The following CROCC2 variants were observed in gnomAD, a reference collection of about 807,000 sequenced individuals.
CROCC2 encodes the protein ciliary rootlet coiled-coil, rootletin family member 2.
A neutral mutation model predicts 177.6 loss-of-function variants in CROCC2; 163 were observed. The observed-to-expected ratio is 0.92, with a 90% confidence interval of 0.81 to 1.05. CROCC2 has a LOEUF of 1.05. Among genes scored for constraint, CROCC2 ranks in the 50% least tolerant of loss-of-function variants. The probability of loss-of-function intolerance (pLI) is 0.00; values close to 1 mark genes in which losing one functional copy is unlikely to be tolerated. For synonymous variants in CROCC2, 904 were observed against 787.3 expected (o/e 1.15, Z -2.48); for missense variants, 1,929 against 1,797.8 (o/e 1.07, Z -1.32).
At chr2:240,929,575 C>CT in intron 5 of CROCC2, 1 of 434,596 alleles carries the variant, frequency 2.3e-6, no homozygotes. Context: ...TCGGTTGTGG[C>CT]TTCCCACCCT....
Position 240,953,552 on chromosome 2 carries a change from G to A in CROCC2, c.2830-2307G>A, listed in dbSNP as rs1451336877. Among the ~76,000 whole-genome samples the A allele has an allele frequency of 1.3e-5, 2 of 152,144 alleles. No homozygotes were observed. The highest frequency in any genetic ancestry group is 2.9e-5 in the Non-Finnish European group (2 of 68,036). On this transcript the variant is annotated intron_variant, in intron 18 of 31. Transcript: ENST00000690015. The surrounding 1 kb of genome is among the most constrained non-coding windows in gnomAD (Gnocchi z 4.0). ...GCACAGCACAGACGGGCTGGCCTGTGGGGAGCCCTTGCCGGTGCAGCAAGT... is the reference window on the plus strand; with the variant it reads ...GCACAGCACAGACGGGCTGGCCTGTAGGGAGCCCTTGCCGGTGCAGCAAGT...
chr2:240,958,228 C>G lies in CROCC2; in HGVS notation c.2944-1073C>G. ...GTCACCACTGCCATCGGGCTCCCAGCCGATGCCCTGTCCCTGAGGCCCTCA... is the reference window on the plus strand; with the variant it reads ...GTCACCACTGCCATCGGGCTCCCAGGCGATGCCCTGTCCCTGAGGCCCTCA... On this transcript the variant is annotated intron_variant, in intron 19 of 31. Coordinates refer to ENST00000690015, the MANE Select transcript of CROCC2 (RefSeq NM_001351305.2). This position sits in a 1 kb window ranked among gnomAD's most constrained non-coding sequence, Gnocchi z 6.7. The G allele has an allele frequency of 1.0e-6, 1 of 978,970 alleles. No individual in the cohort carries two copies. Among genetic ancestry groups the G allele is most frequent in the East Asian group, 1.1e-4 (1 of 8,766 alleles). 60.6% of individuals were successfully genotyped at this position (978,970 alleles called of 1,614,324 possible).
chr2:240,926,176 G>A (rs1051585618), intron 5 of CROCC2, among the ~76,000 whole-genome samples: 2 of 152,216 alleles, frequency 1.3e-5, no homozygotes, highest in African/African-American at 2.4e-5. Context: ...TCTTTGGAGA[G>A]GCAGGTTGTT....
intron 5 of CROCC2, among the ~76,000 whole-genome samples, chr2:240,926,117 C>A (rs966257081): frequency 1.3e-5 from 2 of 152,214 alleles, no homozygotes; most frequent in Non-Finnish European, 2.9e-5. Flanking sequence ...GGGCAGGGAT[C>A]TCAGAATGGG....
At chr2:240,961,914 C>G (rs1484934679) in intron 20 of CROCC2, among the ~76,000 whole-genome samples, 2 of 148,786 alleles carry the variant, frequency 1.3e-5, no homozygotes, top group Non-Finnish European at 3.0e-5. Context: ...AGTGCATGCA[C>G]AGGCATACGG....
rs867402268 is a variant in CROCC2 at position 240,949,190 on chromosome 2, C to A, written c.2482+93C>A. 5 of 1,447,682 alleles carry A rather than the reference C, an allele frequency of 3.5e-6. No homozygotes were observed. Among genetic ancestry groups the A allele is most frequent in the Non-Finnish European group, 4.5e-6 (5 of 1,105,142 alleles). The allele number at this position is 1,447,682 out of a possible 1,614,324, so 89.7% of individuals were successfully genotyped here. A position where few individuals can be genotyped will look rare whatever the true frequency, so the allele number is the denominator to read the frequency against. On this transcript the variant is annotated intron_variant, in intron 16 of 31. Transcript: ENST00000690015. This position sits in a 1 kb window ranked among gnomAD's most constrained non-coding sequence, Gnocchi z 4.5. ...CTCAGTGCCCACACGTGCTGCACCC[C>A]CTCTCCGGAGCCCACAGGGGCATGA...
intron 22 of CROCC2, among the ~76,000 whole-genome samples, chr2:240,964,967 C>T (rs1211626724): frequency 1.3e-5 from 2 of 152,166 alleles, no homozygotes; most frequent in Non-Finnish European, 2.9e-5. Flanking sequence ...CGGTGGCGCT[C>T]GGGAACTCAG....
chr2:240,983,491 C>T lies in CROCC2; in HGVS notation c.4551+462C>T, dbSNP rs948485584. 6.4e-6 allele frequency: 8 copies of T among 1,241,280 alleles called. No individual in the cohort carries two copies. In the African/African-American group the frequency reaches 8.2e-5, roughly 13 times the overall value. The allele number at this position is 1,241,280 out of a possible 1,614,324, so 76.9% of individuals were successfully genotyped here. A position where few individuals can be genotyped will look rare whatever the true frequency, so the allele number is the denominator to read the frequency against. On this transcript the variant is annotated intron_variant, in intron 28 of 31. Coordinates refer to ENST00000690015, the MANE Select transcript of CROCC2 (RefSeq NM_001351305.2). ...CGGCCGAGGCGCAGGCGGAGAGGCGCGTCCTGCAGGAGCAGACGGCGGCGC... is the reference window on the plus strand; with the variant it reads ...CGGCCGAGGCGCAGGCGGAGAGGCGTGTCCTGCAGGAGCAGACGGCGGCGC...
In CROCC2 at chr2:240,973,825, T is replaced by A. The variant is rs948637420; in HGVS notation, c.4401+5563T>A. ...GTGTTAAGAAAATTGTATTATTTTA[T>A]AAAATGAGTTGGTGGGCTTTCCACT... is the stretch of plus-strand genomic sequence containing the variant. On this transcript the variant is annotated intron_variant, in intron 27 of 31. Coordinates refer to ENST00000690015, the MANE Select transcript of CROCC2 (RefSeq NM_001351305.2). The surrounding 1 kb of genome is among the most constrained non-coding windows in gnomAD (Gnocchi z 4.7). Among the ~76,000 whole-genome samples the A allele has an allele frequency of 1.2e-4, 18 of 152,242 alleles. No homozygotes were observed. The highest frequency in any genetic ancestry group is 2.5e-4 in the Non-Finnish European group (17 of 68,032).
chr2:240,933,382 T>C, intron 10 of CROCC2, 40 bp downstream of exon 10: 1 of 1,449,822 alleles, frequency 6.9e-7, no homozygotes, highest in East Asian at 2.5e-5. Flanking sequence ...GCACAGGGTG[T>C]ATGGGATCCT....
chr2:240,925,037 C>G (rs7369492), intron 4 of CROCC2, among the ~76,000 whole-genome samples: 1,614 of 138,812 alleles, frequency 0.012, 104 homozygotes, highest in African/African-American at 0.032. Flanking sequence ...TAACCCAGCC[C>G]TGCACAGCAA....
chr2:240,915,728 C>A (rs1045071768), intron 1 of CROCC2, among the ~76,000 whole-genome samples: 1 of 152,168 alleles, frequency 6.6e-6, no homozygotes, highest in Non-Finnish European at 1.5e-5. Flanking sequence ...TGGGCCACCC[C>A]CCTCAGGGCC....
At chr2:240,922,287 G>A (rs566196833) in intron 3 of CROCC2, among the ~76,000 whole-genome samples, 2 of 152,282 alleles carry the variant, frequency 1.3e-5, no homozygotes, top group South Asian at 2.1e-4. Flanking sequence ...TGGCACATCA[G>A]TGCAACCCAG....
rs566959233 is a variant in CROCC2, at chr2:240,991,261, G to C, written c.4929G>C (p.Gln1643His). Residue 1643 changes from glutamine to histidine, a missense_variant, in exon 31 of 32, where the codon CAG (glutamine) becomes CAC (histidine). Around this residue, in one of 3 missense-constraint regions of CROCC2, gnomAD observed 388 missense variants for 352.7 expected, o/e 1.10. Coordinates refer to ENST00000690015, the MANE Select transcript of CROCC2 (RefSeq NM_001351305.2). ...VQWRQQAHLG[Q>H]AFQTGHAQRD ...GGCGGCAACAGGCCCACCTCGGCCA[G>C]GCCTTCCAGACAGGACAGTGAGCCC... is the stretch of plus-strand genomic sequence containing the variant. The C allele has an allele frequency of 1.2e-5, 18 of 1,548,720 alleles. 1 individual carries two copies. In the African/African-American group the frequency reaches 2.5e-4, roughly 21 times the overall value.
At chr2:240,936,412 C>A (rs59775645) in intron 14 of CROCC2, among the ~76,000 whole-genome samples, 1 of 152,130 alleles carries the variant, frequency 6.6e-6, no homozygotes, top group Non-Finnish European at 1.5e-5. Flanking sequence ...CACCTGTTTC[C>A]GAATTCCTTA....
intron 11 of CROCC2, 118 bp from the exon 12 acceptor site, chr2:240,934,209 CCATG>C: frequency 8.9e-7 from 1 of 1,128,450 alleles, no homozygotes; most frequent in Non-Finnish European, 1.2e-6. Flanking sequence ...TCCAGGGACT[CCATG>C]CTCCTCCTGG....
At chr2:240,954,876 C>T (rs1339149605) in intron 18 of CROCC2, 1 of 152,208 alleles carries the variant, frequency 6.6e-6, no homozygotes, top group African/African-American at 2.4e-5. Flanking sequence ...GCAGACGCTC[C>T]ACACTTCTGA....
chr2:240,932,824 A>G lies in CROCC2; in HGVS notation c.1167A>G (p.Pro389=), dbSNP rs899868637. ...CATCCCCCCATCAAGGGGCGTCCCCACCACACATCTGCTCCCCAGCCACCC... is the reference window on the plus strand; with the variant it reads ...CATCCCCCCATCAAGGGGCGTCCCCGCCACACATCTGCTCCCCAGCCACCC... The part of the protein sequence containing the change: ...RATSPHQGAS[P]PHICSPATLD... The change falls in exon 9 of 32, where the codon CCA becomes CCG. Residue 389 remains proline, a synonymous_variant. Transcript: ENST00000690015. 2.9e-5 allele frequency: 45 copies of G among 1,542,302 alleles called. No individual in the cohort carries two copies. The highest frequency in any genetic ancestry group is 3.9e-5 in the Non-Finnish European group (45 of 1,142,154).
chr2:240,936,732 C>G (rs145351188), intron 14 of CROCC2, among the ~76,000 whole-genome samples: 1,646 of 152,324 alleles, frequency 0.011, 14 homozygotes, highest in South Asian at 0.032. Flanking sequence ...TCTGCCTGAA[C>G]CCTGCCTACA....
Sources: allele counts gnomAD v4.1 joint callset (sites outside exome capture counted in the v4.1 genomes callset), GRCh38; gene constraint gnomAD v4.1.1; regional missense constraint gnomAD v4.1.1; non-coding constraint Gnocchi (gnomAD v3.1); transcripts MANE v1.5; gene names NCBI Gene and HGNC (gene_info 2026-07-23, HGNC 2026-07-21).